PADI6: variants seen among roughly 807,000 people sequenced by gnomAD.
PADI6 encodes the protein peptidyl arginine deiminase 6, also known as inactive protein-arginine deiminase type-6.
Under a neutral mutation model 78.2 loss-of-function variants are expected in PADI6, and 66 were observed. The ratio of observed to expected loss-of-function variants is 0.84; its 90% confidence interval spans 0.69 to 1.04. PADI6 has a LOEUF of 1.04. Ranked by LOEUF, PADI6 falls within the 50% of genes least tolerant of loss-of-function variation. PADI6 has a pLI of 0.00. For synonymous variants in PADI6, 397 were observed against 346.9 expected, an observed-to-expected ratio of 1.14 and a Z score of -1.60; for missense variants, 854 against 866.1, an observed-to-expected ratio of 0.99 and a Z score of 0.18.
intron 6 of PADI6, among the ~76,000 whole-genome samples, chr1:17,383,516 C>A (rs1302452490): frequency 1.3e-5 from 2 of 152,236 alleles, no homozygotes; most frequent in East Asian, 3.9e-4. Context: ...CATACTTCAT[C>A]ATGTGGATCA....
intron 6 of PADI6, among the ~76,000 whole-genome samples, 189 bp downstream of exon 6, chr1:17,382,281 C>A (rs2075080008): frequency 6.6e-6 from 1 of 152,224 alleles, no homozygotes; most frequent in Non-Finnish European, 1.5e-5. Flanking sequence ...TAGGCTAAAT[C>A]TGTACACATG....
At chr1:17,384,274 A>G (rs117137250) in intron 6 of PADI6, among the ~76,000 whole-genome samples, 1 of 152,184 alleles carries the variant, frequency 6.6e-6, no homozygotes, top group East Asian at 1.9e-4. Flanking sequence ...AAAAGTTTAC[A>G]GAGGAATAGA....
chr1:17,373,585 G>A (rs1038440111), intron 2 of PADI6, among the ~76,000 whole-genome samples: 1 of 151,684 alleles, frequency 6.6e-6, no homozygotes, highest in African/African-American at 2.4e-5. Flanking sequence ...TCCACTTCCC[G>A]GGTTCAAGCA....
chr1:17,391,610 A>T (rs1044364741), intron 8 of PADI6, among the ~76,000 whole-genome samples: 2 of 152,242 alleles, frequency 1.3e-5, no homozygotes, highest in Non-Finnish European at 2.9e-5. Flanking sequence ...GATGCTGTGC[A>T]CAACGGCTTG....
At chr1:17,375,596 T>C (rs1227725067) in intron 3 of PADI6, 97 bp downstream of exon 3, 1 of 1,093,240 alleles carries the variant, frequency 9.1e-7, no homozygotes, top group African/African-American at 1.6e-5. Flanking sequence ...ATTCTCCAGG[T>C]AACAAGATGC....
At chr1:17,391,155 C>T (rs769244443) in intron 8 of PADI6, among the ~76,000 whole-genome samples, 21 of 152,160 alleles carry the variant, frequency 1.4e-4, no homozygotes, top group Non-Finnish European at 2.6e-4. Flanking sequence ...CAATATCTCC[C>T]AATATTAGGG....
At chr1:17,396,548 G>A (rs1034851022) in intron 13 of PADI6, among the ~76,000 whole-genome samples, 1 of 152,162 alleles carries the variant, frequency 6.6e-6, no homozygotes, top group South Asian at 2.1e-4. Flanking sequence ...CTCAGCCTTT[G>A]GGGTTGGGGC....
At chr1:17,372,407 G>T in intron 1 of PADI6, 46 bp downstream of exon 1, 1 of 1,555,316 alleles carries the variant, frequency 6.4e-7, no homozygotes. Context: ...AGACAGGCAG[G>T]CAGGCCTGGG....
In PADI6 at chr1:17,394,280, T is replaced by G. The variant is rs772467361; in HGVS notation, c.1183-20T>G. ...CCATCCCCTACTAACACCCCTTCCC[T>G]GGCTCGGTCTCTCCCCCAGAGCCCT... On this transcript the variant is annotated intron_variant, in intron 10 of 15. Transcript: ENST00000619609. 2 of 1,608,916 alleles carry G rather than the reference T, an allele frequency of 1.2e-6. No homozygotes were observed. Among genetic ancestry groups the G allele is most frequent in the African/African-American group, 1.3e-5 (1 of 74,826 alleles).
At chr1:17,393,149 A>G (rs12128561) in intron 9 of PADI6, among the ~76,000 whole-genome samples, 90,657 of 150,570 alleles carry the variant, frequency 0.6, 27,389 homozygotes, top group South Asian at 0.67. Context: ...GTCTCAAAAG[A>G]AAAAAAAAAA....
rs1330939423 is a variant in PADI6, at chr1:17,394,424, G to A, written c.1307G>A (p.Arg436Lys). Residue 436 changes from arginine to lysine, a missense_variant, in exon 11 of 16, where the codon AGA (arginine) becomes AAA (lysine). Transcript: ENST00000619609. ...CAAGGGAAAGAGTACCCGCTGGGCA[G>A]AGTCCTCATTGGCAGCAGCTTTTAC... ...KVQGKEYPLG[R>K]VLIGSSFYPS... 6.2e-7 allele frequency: 1 copy of A among 1,613,662 alleles called. No homozygotes were observed. The highest frequency in any genetic ancestry group is 8.5e-7 in the Non-Finnish European group (1 of 1,179,780).
At chr1:17,393,051 C>CA (rs777987763) in intron 9 of PADI6, among the ~76,000 whole-genome samples, 2 of 152,024 alleles carry the variant, frequency 1.3e-5, no homozygotes, top group African/African-American at 2.4e-5. Context: ...GTCACTGAGG[C>CA]AGAAGAATCG....
intron 9 of PADI6, 66 bp from the exon 10 acceptor site, chr1:17,393,909 T>G: frequency 1.4e-6 from 2 of 1,454,890 alleles, no homozygotes; most frequent in Admixed American, 3.4e-5. Context: ...TTACCGTACC[T>G]TTTCCGTAAA....
intron 8 of PADI6, 24 bp downstream of exon 8, chr1:17,388,904 T>A: frequency 6.3e-7 from 1 of 1,588,378 alleles, no homozygotes; most frequent in Non-Finnish European, 8.6e-7. Flanking sequence ...AGGCTGACTG[T>A]GCCAGGCGGT....
At chr1:17,390,535 C>T (rs955291858) in intron 8 of PADI6, among the ~76,000 whole-genome samples, 4 of 149,330 alleles carry the variant, frequency 2.7e-5, no homozygotes, top group African/African-American at 4.9e-5. Flanking sequence ...ACCCAGAAGG[C>T]GGAGGTTGCA....
At chr1:17,376,289 A>G (rs950087721) in intron 3 of PADI6, among the ~76,000 whole-genome samples, 1 of 146,766 alleles carries the variant, frequency 6.8e-6, no homozygotes, top group African/African-American at 2.5e-5. Flanking sequence ...TCTCTCTTAA[A>G]CCTGATTCTA....
intron 11 of PADI6, among the ~76,000 whole-genome samples, 172 bp downstream of exon 11, chr1:17,394,626 T>C (rs1042182609): frequency 3.9e-5 from 6 of 152,186 alleles, no homozygotes; most frequent in Admixed American, 2.0e-4. Context: ...GAATAAACCA[T>C]TTATTCTTTG....
rs113887714 is a variant in PADI6 at position 17,392,527 on chromosome 1, G to A, written c.1074+302G>A. Among the ~76,000 whole-genome samples the A allele has an allele frequency of 1.7e-4, 26 of 152,274 alleles. 2 individuals are homozygous for A. The highest frequency in any genetic ancestry group is 6.3e-4 in the African/African-American group (26 of 41,544). On this transcript the variant is annotated intron_variant, in intron 9 of 15. Coordinates refer to ENST00000619609, the MANE Select transcript of PADI6 (RefSeq NM_207421.4). ...CCTTTGGCTAAGGCTGTGAGAGCTG[G>A]GCCACTGCCCTGGGGTCCCGCCTGA...
chr1:17,394,955 G>T lies in PADI6; in HGVS notation c.1342G>T (p.Glu448Ter), dbSNP rs1482391893. The T allele has an allele frequency of 1.2e-6, 2 of 1,610,060 alleles. No homozygotes were observed. Among genetic ancestry groups the T allele is most frequent in the Non-Finnish European group, 1.7e-6 (2 of 1,178,836 alleles). ...LIGSSFYPSA[E>*]GRAMSKTLRD... ...TTCTTTCCATCTTCCTTCTAGCGCA[G>T]AGGGCCGGGCCATGAGTAAGACCCT... The change falls in exon 12 of 16, where the codon GAG becomes TAG. Residue 448 changes from glutamate to a stop codon, truncating the protein, a stop_gained. Transcript: ENST00000619609. LOFTEE classifies it high-confidence loss of function.
Sources: gnomAD v4.1 joint callset for allele counts (sites outside exome capture counted in the v4.1 genomes callset) on GRCh38, gnomAD v4.1.1 for gene constraint, MANE v1.5 for transcripts, NCBI Gene and HGNC (gene_info 2026-07-23, HGNC 2026-07-21) for gene names.